DPYD: variants seen among roughly 807,000 people sequenced by gnomAD.
The protein encoded by DPYD is dihydropyrimidine dehydrogenase, also known as dihydropyrimidine dehydrogenase [NADP(+)].
DPYD carries 109 observed loss-of-function variants against 116.2 expected under a neutral mutation model. The observed-to-expected ratio is 0.94, with a 90% CI of 0.80 to 1.10. The LOEUF (loss-of-function observed/expected upper bound fraction) is 1.10. Among genes scored for constraint, DPYD ranks in the 50% least tolerant of loss-of-function variants. The pLI is 0.00. For missense variants in DPYD, 1,302 were observed against 1,254.5 expected (o/e 1.04, Z -0.57); for synonymous variants, 440 against 432.0 (o/e 1.02, Z -0.23).
At chr1:97,698,837 T>C (rs1003448010) in intron 6 of DPYD, among the ~76,000 whole-genome samples, 1 of 151,956 alleles carries the variant, frequency 6.6e-6, no homozygotes, top group African/African-American at 2.4e-5. Context: ...GGGAATAATA[T>C]GATCATGTGA....
At chr1:97,779,189 T>A (rs189973726) in intron 3 of DPYD, among the ~76,000 whole-genome samples, 1 of 152,230 alleles carries the variant, frequency 6.6e-6, no homozygotes, top group Admixed American at 6.5e-5. Flanking sequence ...GAATCAGGCA[T>A]ATAACTGATT....
intron 18 of DPYD, among the ~76,000 whole-genome samples, chr1:97,284,417 A>G (rs894199262): frequency 1.3e-5 from 2 of 152,130 alleles, no homozygotes; most frequent in East Asian, 1.9e-4. Flanking sequence ...TTTCAAAAGA[A>G]TTAAGCTTTT....
intron 5 of DPYD, among the ~76,000 whole-genome samples, chr1:97,703,515 T>C (rs1368215285): frequency 6.6e-6 from 1 of 152,042 alleles, no homozygotes; most frequent in Admixed American, 6.6e-5. Context: ...TCATTTCACC[T>C]AGTGTTCAAA....
At chr1:97,558,548 T>A (rs1303095929) in intron 11 of DPYD, among the ~76,000 whole-genome samples, 7 of 152,170 alleles carry the variant, frequency 4.6e-5, no homozygotes, top group African/African-American at 1.2e-4. Flanking sequence ...AAATATCTGA[T>A]TTTCCTACTG....
At chr1:97,571,275 G>A (rs1652877170) in intron 11 of DPYD, among the ~76,000 whole-genome samples, 1 of 151,914 alleles carries the variant, frequency 6.6e-6, no homozygotes, top group Admixed American at 6.6e-5. Context: ...ACAAGAATAT[G>A]CTCTAGTTTT....
chr1:97,772,375 G>T (rs1158989876), intron 3 of DPYD, among the ~76,000 whole-genome samples: 3 of 152,160 alleles, frequency 2.0e-5, no homozygotes, highest in Admixed American at 6.5e-5. Context: ...TAGCTATCCA[G>T]CCTGTTCAGT....
intron 10 of DPYD, among the ~76,000 whole-genome samples, chr1:97,587,955 C>G (rs1654253967): frequency 6.6e-6 from 1 of 151,672 alleles, no homozygotes; most frequent in South Asian, 2.1e-4. Context: ...ATAGGTCATG[C>G]CACAAAAATG....
intron 19 of DPYD, among the ~76,000 whole-genome samples, chr1:97,193,939 C>T (rs1290227245): frequency 6.6e-6 from 1 of 152,158 alleles, no homozygotes; most frequent in African/African-American, 2.4e-5. Context: ...AGGAGGCTTC[C>T]AGGAGCCCAG....
chr1:97,228,895 T>C (rs1356595929), intron 19 of DPYD, among the ~76,000 whole-genome samples: 2 of 151,966 alleles, frequency 1.3e-5, no homozygotes, highest in African/African-American at 2.4e-5. Context: ...TCGAACTAAC[T>C]GCAAGAAAGA....
chr1:97,098,427 A>T (rs1364237065), intron 21 of DPYD, 62 bp downstream of exon 21: 4 of 1,558,868 alleles, frequency 2.6e-6, no homozygotes, highest in Non-Finnish European at 3.5e-6. Flanking sequence ...TAAACATTTT[A>T]ACTATATTTG....
chr1:97,165,854 A>T (rs1656283521), intron 20 of DPYD, among the ~76,000 whole-genome samples: 1 of 152,218 alleles, frequency 6.6e-6, no homozygotes, highest in Admixed American at 6.5e-5. Flanking sequence ...ATAAATGCAA[A>T]TCAAAACCAC....
intron 8 of DPYD, among the ~76,000 whole-genome samples, chr1:97,633,607 T>C (rs1444567457): frequency 2.0e-5 from 3 of 152,090 alleles, no homozygotes; most frequent in African/African-American, 7.2e-5. Flanking sequence ...ACTTTTCTTG[T>C]ATCCTCATAG....
At chr1:97,751,460 G>GTGTGTGTATATATATATATA (rs763260651) in intron 3 of DPYD, among the ~76,000 whole-genome samples, 7 of 21,288 alleles carry the variant, frequency 3.3e-4, no homozygotes, top group Non-Finnish European at 4.9e-4. Flanking sequence ...GTGTGTGTGT[G>GTGTGTGTATATATATATATA]TATATATATA....
intron 2 of DPYD, among the ~76,000 whole-genome samples, chr1:97,865,637 A>G (rs1671339122): frequency 6.6e-6 from 1 of 151,972 alleles, no homozygotes; most frequent in African/African-American, 2.4e-5. Context: ...GTTTAACAGT[A>G]TAAGAGGTAG....
intron 3 of DPYD, among the ~76,000 whole-genome samples, chr1:97,786,334 G>C (rs1667025399): frequency 6.6e-6 from 1 of 152,140 alleles, no homozygotes; most frequent in Non-Finnish European, 1.5e-5. Context: ...ATGAAAACAA[G>C]TGTGATATGT....
chr1:97,788,022 A>C (rs1378444278), intron 3 of DPYD, among the ~76,000 whole-genome samples: 1 of 152,186 alleles, frequency 6.6e-6, no homozygotes, highest in Non-Finnish European at 1.5e-5. Flanking sequence ...TGGCAGCTTT[A>C]CTTCAAAGAT....
intron 20 of DPYD, among the ~76,000 whole-genome samples, chr1:97,188,538 G>A (rs1658152853): frequency 6.6e-6 from 1 of 152,072 alleles, no homozygotes; most frequent in African/African-American, 2.4e-5. Flanking sequence ...CTGCAGCACT[G>A]GACAAGAAGA....
At chr1:97,526,416 C>G (rs1009595364) in intron 12 of DPYD, among the ~76,000 whole-genome samples, 1 of 152,018 alleles carries the variant, frequency 6.6e-6, no homozygotes, top group Non-Finnish European at 1.5e-5. Context: ...ACCAGAAACA[C>G]GTAGAGAGTT....
chr1:97,808,337 G>A (rs1483329985), intron 3 of DPYD, among the ~76,000 whole-genome samples: 4 of 152,022 alleles, frequency 2.6e-5, no homozygotes, highest in Non-Finnish European at 5.9e-5. Flanking sequence ...CCTATGTTAT[G>A]AGATTTATTA....
Sources: gnomAD v4.1 joint callset for allele counts (sites outside exome capture counted in the v4.1 genomes callset) on GRCh38, gnomAD v4.1.1 for gene constraint, MANE v1.5 for transcripts, NCBI Gene and HGNC (gene_info 2026-07-23, HGNC 2026-07-21) for gene names.